The following ROR2 variants were observed in gnomAD, a reference collection of about 807,000 sequenced individuals.
ROR2 encodes tyrosine-protein kinase transmembrane receptor ROR2.
ROR2 carries 33 observed loss-of-function variants against 74.9 expected under a neutral mutation model. The ratio of observed to expected loss-of-function variants is 0.44; its 90% CI spans 0.33 to 0.59. The LOEUF is 0.59. Ranked by LOEUF, ROR2 falls within the 20% of genes least tolerant of loss-of-function variation. The pLI, the probability that ROR2 is intolerant of heterozygous loss-of-function variation, is 0.02. For synonymous variants in ROR2, 586 were observed against 558.7 expected, an observed-to-expected ratio of 1.05 and a Z score of -0.69; for missense variants, 1,216 against 1,313.8, an observed-to-expected ratio of 0.93 and a Z score of 1.15.
chr9:91,870,096 A>G (rs1829752259), intron 1 of ROR2, among the ~76,000 whole-genome samples: 1 of 150,342 alleles, frequency 6.7e-6, no homozygotes, highest in Non-Finnish European at 1.5e-5. Context: ...AGTTTTAATA[A>G]GACATATTGT....
chr9:91,924,290 T>C (rs1564042114), intron 1 of ROR2, among the ~76,000 whole-genome samples: 3 of 152,172 alleles, frequency 2.0e-5, no homozygotes, highest in Admixed American at 6.5e-5. Flanking sequence ...CGGCCATCCC[T>C]CCTAGTCCCT....
intron 1 of ROR2, among the ~76,000 whole-genome samples, chr9:91,882,128 C>T (rs1197146235): frequency 1.3e-5 from 2 of 151,964 alleles, no homozygotes; most frequent in Non-Finnish European, 2.9e-5. Flanking sequence ...TAGCCTATGA[C>T]CAGCCAGGCA....
intron 1 of ROR2, among the ~76,000 whole-genome samples, chr9:91,892,812 A>AGGCGGGTGG (rs1830454857): frequency 6.6e-6 from 1 of 151,748 alleles, no homozygotes; most frequent in Non-Finnish European, 1.5e-5. Flanking sequence ...GGATGGTCTC[A>AGGCGGGTGG]ATCTCTTGAC....
intron 1 of ROR2, among the ~76,000 whole-genome samples, chr9:91,928,490 C>T (rs1196459570): frequency 2.0e-5 from 3 of 152,210 alleles, no homozygotes; most frequent in South Asian, 2.1e-4. Flanking sequence ...ACCACTCTGA[C>T]GTGGGCTCAC....
intron 1 of ROR2, among the ~76,000 whole-genome samples, chr9:91,816,402 C>A (rs1263891926): frequency 1.3e-5 from 2 of 152,224 alleles, no homozygotes; most frequent in Non-Finnish European, 2.9e-5. Context: ...GCTCTTTGGG[C>A]AGCCTCACCT....
In ROR2 at chr9:91,733,048, C is replaced by T. The variant is rs1472555528; in HGVS notation, c.937+74G>A. 2 of 1,402,590 alleles carry T rather than the reference C, an allele frequency of 1.4e-6. No homozygotes were observed. The highest frequency in any genetic ancestry group is 1.9e-6 in the Non-Finnish European group (2 of 1,033,392). 86.9% of individuals were successfully genotyped at this position (1,402,590 alleles called of 1,614,324 possible). Reference sequence around the variant, plus strand: ...GATGGGGCTCCCTGGGCTTCACCGACACCCCCATACACATTTCAAGGGCCC... The same window carrying T: ...GATGGGGCTCCCTGGGCTTCACCGATACCCCCATACACATTTCAAGGGCCC... On this transcript the variant is annotated intron_variant, in intron 6 of 8. Transcript: ENST00000375708. This position sits in a 1 kb window ranked among gnomAD's most constrained non-coding sequence, Gnocchi z 5.7.
At chr9:91,895,954 C>T (rs574108335) in intron 1 of ROR2, among the ~76,000 whole-genome samples, 4 of 152,298 alleles carry the variant, frequency 2.6e-5, no homozygotes, top group South Asian at 2.1e-4. Flanking sequence ...ATGTCACCCG[C>T]GTGCCAGTAC....
intron 2 of ROR2, among the ~76,000 whole-genome samples, chr9:91,768,033 C>T (rs1360982846): frequency 6.6e-6 from 1 of 152,168 alleles, no homozygotes; most frequent in East Asian, 1.9e-4. Flanking sequence ...ATTTCAGACA[C>T]GGACCTAGAG....
chr9:91,791,121 A>C (rs886375065), intron 1 of ROR2, among the ~76,000 whole-genome samples: 17 of 152,086 alleles, frequency 1.1e-4, no homozygotes, highest in Non-Finnish European at 2.9e-5. Context: ...TTCACTCACG[A>C]CTCACTCACT....
At chr9:91,930,942 A>AT (rs1248404156) in intron 1 of ROR2, among the ~76,000 whole-genome samples, 1 of 152,140 alleles carries the variant, frequency 6.6e-6, no homozygotes, top group Admixed American at 6.6e-5. Context: ...AATTCATAGT[A>AT]TTTGTCTGGT....
intron 1 of ROR2, among the ~76,000 whole-genome samples, chr9:91,858,930 A>G (rs1389918314): frequency 6.6e-6 from 1 of 152,150 alleles, no homozygotes; most frequent in Non-Finnish European, 1.5e-5. Flanking sequence ...ATCGGGCTCT[A>G]TTGCCCACCT....
chr9:91,819,109 C>A (rs1775381184), intron 1 of ROR2, among the ~76,000 whole-genome samples: 1 of 152,138 alleles, frequency 6.6e-6, no homozygotes. Flanking sequence ...GCCACAGTGG[C>A]GTGAATGGAC....
intron 2 of ROR2, among the ~76,000 whole-genome samples, chr9:91,763,318 C>T (rs1477757065): frequency 6.6e-6 from 1 of 152,140 alleles, no homozygotes; most frequent in East Asian, 1.9e-4. Flanking sequence ...TACCTCCGAA[C>T]CTAAAATGAA....
intron 2 of ROR2, 44 bp from the exon 3 acceptor site, chr9:91,757,603 C>T: frequency 1.3e-6 from 2 of 1,598,290 alleles, no homozygotes; most frequent in Non-Finnish European, 1.7e-6. Context: ...TCAGTGAGGG[C>T]TGGAAGGAAG....
At position 91,792,499 on chromosome 9, in the gene ROR2, T is replaced by G. The variant is rs563687099; in HGVS notation, c.98-16681A>C. 1.3e-3 allele frequency among the ~76,000 whole-genome samples: 197 copies of G among 152,126 alleles called. 1 individual carries two copies. Among genetic ancestry groups the G allele is most frequent in the Admixed American group, 2.9e-3 (45 of 15,274 alleles). On this transcript the variant is annotated intron_variant, in intron 1 of 8. Coordinates refer to ENST00000375708, the MANE Select transcript of ROR2 (RefSeq NM_004560.4). ...AATTTTTTGTACTTTTAGTAGACAC[T>G]GGGTTTCACCGTGTTAGCCAAGATG... is the stretch of plus-strand genomic sequence containing the variant.
chr9:91,829,270 C>T (rs1332678164), intron 1 of ROR2, among the ~76,000 whole-genome samples: 1 of 152,082 alleles, frequency 6.6e-6, no homozygotes, highest in South Asian at 2.1e-4. Context: ...TGGCTGGGCA[C>T]GGTGGCTCAC....
chr9:91,781,959 C>A (rs879723870), intron 1 of ROR2, among the ~76,000 whole-genome samples: 11 of 152,210 alleles, frequency 7.2e-5, no homozygotes, highest in Admixed American at 1.3e-4. Flanking sequence ...CCCCAGAGCC[C>A]CCAACAAAAG....
chr9:91,733,356 C>T lies in ROR2; in HGVS notation c.703G>A (p.Val235Met), dbSNP rs140179632. 3.1e-6 allele frequency: 5 copies of T among 1,612,336 alleles called. No individual in the cohort carries two copies. The highest frequency in any genetic ancestry group is 1.3e-5 in the African/African-American group (1 of 75,054). ...QFAIPSFCHF[V>M]FPLCDARSRT... is the part of the protein sequence containing the mutation. ...GAGCGCGCGTCGCACAGAGGAAACA[C>T]GAAGTGGCAGAAGGATGGGATGGCG... Residue 235 changes from valine to methionine, a missense_variant, in exon 6 of 9, where the codon GTG becomes ATG. Physicochemically the swap from Val to Met is conservative, Grantham distance 21 (BLOSUM62 1). Transcript: ENST00000375708. The surrounding 1 kb of genome is among the most constrained non-coding windows in gnomAD (Gnocchi z 5.7).
chr9:91,796,716 T>TGGGGCTGACACCCTGGGCTCTGTGGGC (rs1310022930), intron 1 of ROR2, among the ~76,000 whole-genome samples: 10 of 149,774 alleles, frequency 6.7e-5, no homozygotes, highest in East Asian at 2.0e-4. Context: ...GACTAGTAGG[T>TGGGGCTGACACCCTGGGCTCTGTGGGC]GGGGCTGACA....
Sources: allele counts gnomAD v4.1 joint callset (sites outside exome capture counted in the v4.1 genomes callset), GRCh38; gene constraint gnomAD v4.1.1; non-coding constraint Gnocchi (gnomAD v3.1); transcripts MANE v1.5; gene names NCBI Gene and HGNC (gene_info 2026-07-23, HGNC 2026-07-21).